PROM2: variants seen among roughly 807,000 people sequenced by gnomAD.
PROM2 encodes prominin-2.
PROM2 carries 90 observed loss-of-function variants against 110.2 expected under a neutral mutation model. The ratio of observed to expected loss-of-function variants is 0.82; its 90% confidence interval spans 0.69 to 0.97. PROM2 has a LOEUF of 0.97. PROM2 is among the 50% of genes least tolerant of loss of function. PROM2 has a pLI of 0.00. For synonymous variants in PROM2, 470 were observed against 467.8 expected (o/e 1.00, Z -0.06); for missense variants, 1,009 against 1,074.8 (o/e 0.94, Z 0.86).
In PROM2 at chr2:95,276,060, CAG is replaced by C; in HGVS notation, c.428_429del (p.Glu143AlafsTer7). On this transcript the variant is annotated frameshift_variant, in exon 3 of 24. Transcript: ENST00000317620. LOFTEE classifies it high-confidence loss of function. This position sits in a 1 kb window ranked among gnomAD's most constrained non-coding sequence, Gnocchi z 4.6. ...CGGCGCTGCGGGGGACGAGTGAAGACAGAGCACAAGGCGCTGGCCTGTGAGCG... is the reference window on the plus strand; with the variant it reads ...CGGCGCTGCGGGGGACGAGTGAAGACAGCACAAGGCGCTGGCCTGTGAGCG... 1 of 1,611,432 alleles carries C rather than the reference CAG, an allele frequency of 6.2e-7. No individual in the cohort carries two copies. The highest frequency in any genetic ancestry group is 8.5e-7 in the Non-Finnish European group (1 of 1,179,914).
Position 95,280,052 on chromosome 2 carries a change from C to G in PROM2, c.1427+55C>G. ...CCCCTCTTATAGGGCTGGCTGATTA[C>G]TCTCGCTCCTGAGCATAGCTCCCGG... is the stretch of plus-strand genomic sequence containing the variant. On this transcript the variant is annotated intron_variant, in intron 11 of 23. Coordinates refer to ENST00000317620, the MANE Select transcript of PROM2 (RefSeq NM_001165978.3). 3 of 1,352,186 alleles carry G rather than the reference C, an allele frequency of 2.2e-6. No individual in the cohort carries two copies. In the South Asian group the frequency reaches 5.9e-5, roughly 27 times the overall value. The allele number at this position is 1,352,186 out of a possible 1,614,324, so 83.8% of individuals were successfully genotyped here. A position where few individuals can be genotyped will look rare whatever the true frequency, so the allele number is the denominator to read the frequency against.
At chr2:95,277,320 A>G (rs1458863038) in intron 6 of PROM2, 44 bp from the exon 7 acceptor site, 1 of 1,552,668 alleles carries the variant, frequency 6.4e-7, no homozygotes, top group East Asian at 2.3e-5. Context: ...GCGTCTGGGG[A>G]TGCATATGGT....
At chr2:95,288,126 T>C (rs1677479269) in intron 20 of PROM2, 85 bp from the exon 21 acceptor site, 1 of 1,386,978 alleles carries the variant, frequency 7.2e-7, no homozygotes, top group Non-Finnish European at 1.0e-6. Flanking sequence ...TGTGTCCCTG[T>C]CAACCACTCT....
chr2:95,283,103 G>A (rs1364625510), intron 14 of PROM2, among the ~76,000 whole-genome samples: 5 of 152,206 alleles, frequency 3.3e-5, no homozygotes, highest in Non-Finnish European at 5.9e-5. Context: ...TCCTCCTTCC[G>A]CATCTTTAAC....
chr2:95,285,659 G>A lies in PROM2; in HGVS notation c.1896G>A (p.Lys632=), dbSNP rs1227625942. The A allele has an allele frequency of 6.2e-7, 1 of 1,603,666 alleles. No individual in the cohort carries two copies. Among genetic ancestry groups the A allele is most frequent in the East Asian group, 2.3e-5 (1 of 44,444 alleles). The change falls in exon 16 of 24, where the codon AAG becomes AAA. Residue 632 remains lysine, a synonymous_variant. Transcript: ENST00000317620. ...FLVQIQRPVV[K]TSMEQLAQEL... is the part of the protein sequence containing the mutation. ...TGCAGATCCAGAGGCCCGTGGTGAA[G>A]ACCAGCATGGAGCAGCTGGCCCAGG... is the stretch of plus-strand genomic sequence containing the variant.
At chr2:95,286,684 C>T (rs1337341751) in intron 17 of PROM2, 113 bp downstream of exon 17, 29 of 641,230 alleles carry the variant, frequency 4.5e-5, no homozygotes, top group Admixed American at 3.5e-4. Flanking sequence ...CTCTCCCCTC[C>T]TCTCCCCTCC....
At chr2:95,277,318 G>C in intron 6 of PROM2, 46 bp from the exon 7 acceptor site, 1 of 1,552,998 alleles carries the variant, frequency 6.4e-7, no homozygotes, top group Non-Finnish European at 8.7e-7. Flanking sequence ...AGGCGTCTGG[G>C]GATGCATATG....
At position 95,276,612 on chromosome 2, in the gene PROM2, C is replaced by T; in HGVS notation, c.637C>T (p.Gln213Ter). ...DVPQELQAVA[Q>*]QFSLPQEQVS... ...TGCCTAGGAGCTGCAGGCCGTGGCA[C>T]AGCAATTCTCCCTGCCCCAGGAGCA... is the stretch of plus-strand genomic sequence containing the variant. Residue 213 changes from glutamine to a stop codon, truncating the protein, a stop_gained, in exon 5 of 24, where the codon CAG becomes TAG. Transcript: ENST00000317620. LOFTEE classifies it high-confidence loss of function. The surrounding 1 kb of genome is among the most constrained non-coding windows in gnomAD (Gnocchi z 4.6). 1 of 1,613,682 alleles carries T rather than the reference C, an allele frequency of 6.2e-7. No individual in the cohort carries two copies. The highest frequency in any genetic ancestry group is 1.3e-5 in the African/African-American group (1 of 75,020).
At chr2:95,281,589 G>A (rs1438505337) in intron 12 of PROM2, among the ~76,000 whole-genome samples, 6 of 152,074 alleles carry the variant, frequency 3.9e-5, no homozygotes, top group East Asian at 1.9e-4. Flanking sequence ...CCCAGGGCAG[G>A]GACCCTGAGA....
At chr2:95,281,740 G>A (rs1009679444) in intron 12 of PROM2, among the ~76,000 whole-genome samples, 185 bp from the exon 13 acceptor site, 1 of 152,122 alleles carries the variant, frequency 6.6e-6, no homozygotes, top group East Asian at 1.9e-4. Context: ...CATGGGAAGA[G>A]CCCCTGTAAG....
At chr2:95,281,833 G>A (rs1211461028) in intron 12 of PROM2, 92 bp from the exon 13 acceptor site, 1 of 883,296 alleles carries the variant, frequency 1.1e-6, no homozygotes, top group Non-Finnish European at 1.9e-6. Context: ...GGTCTGTGCT[G>A]TGCCACAGCA....
chr2:95,276,288 A>T lies in PROM2; in HGVS notation c.559A>T (p.Ile187Phe), dbSNP rs557440483. The change falls in exon 4 of 24, where the codon ATC (isoleucine) becomes TTC (phenylalanine). Residue 187 changes from isoleucine (I) to phenylalanine (F), a missense_variant. By Grantham distance (21) the Ile-to-Phe change is conservative. Transcript: ENST00000317620. The surrounding 1 kb of genome is among the most constrained non-coding windows in gnomAD (Gnocchi z 4.6). ...QRTHEQMGPS[I>F]EAMPETLLSL... is the part of the protein sequence containing the mutation. Reference sequence around the variant, plus strand: ...CACGCATGAACAGATGGGCCCCAGCATCGAGGCCATGCCTGAGACCCTGCT... The same window carrying T: ...CACGCATGAACAGATGGGCCCCAGCTTCGAGGCCATGCCTGAGACCCTGCT... The T allele has an allele frequency of 6.8e-6, 11 of 1,613,892 alleles. No homozygotes were observed. The Admixed American group carries it at 1.2e-4, about 17-fold the overall frequency.
In PROM2 at chr2:95,275,437, C is replaced by A; in HGVS notation, c.245-24C>A. ...GGCAGGGCAGTGGCTGTCCCCAAAT[C>A]CTCAGCTTGGCTCTTTCCCATAGAG... is the stretch of plus-strand genomic sequence containing the variant. On this transcript the variant is annotated intron_variant, in intron 1 of 23. Coordinates refer to ENST00000317620, the MANE Select transcript of PROM2 (RefSeq NM_001165978.3). The surrounding 1 kb of genome is among the most constrained non-coding windows in gnomAD (Gnocchi z 4.4). 6.2e-7 allele frequency: 1 copy of A among 1,603,586 alleles called. No individual in the cohort carries two copies. Among genetic ancestry groups the A allele is most frequent in the South Asian group, 1.1e-5 (1 of 89,254 alleles).
intron 14 of PROM2, among the ~76,000 whole-genome samples, chr2:95,283,274 C>G (rs1456924659): frequency 6.6e-6 from 1 of 152,216 alleles, no homozygotes; most frequent in Non-Finnish European, 1.5e-5. Context: ...GAGTCCTGGG[C>G]TCTGGTCCTT....
At chr2:95,286,992 C>T in intron 18 of PROM2, 135 bp downstream of exon 18, 1 of 1,265,872 alleles carries the variant, frequency 7.9e-7, no homozygotes, top group Non-Finnish European at 1.1e-6. Context: ...ATGGGGGTGG[C>T]AGCAGAGCCT....
chr2:95,284,333 T>C (rs1262941144), intron 14 of PROM2, among the ~76,000 whole-genome samples: 1 of 151,942 alleles, frequency 6.6e-6, no homozygotes, highest in Non-Finnish European at 1.5e-5. Flanking sequence ...TCCTCTACAA[T>C]TTTTTTTAAA....
chr2:95,282,843 C>T (rs941472055), intron 14 of PROM2, among the ~76,000 whole-genome samples: 1 of 152,182 alleles, frequency 6.6e-6, no homozygotes, highest in African/African-American at 2.4e-5. Flanking sequence ...TGCACAGCAG[C>T]TGGAAGACAT....
intron 10 of PROM2, 99 bp from the exon 11 acceptor site, chr2:95,279,746 T>TGG (rs1676930289): frequency 2.0e-6 from 2 of 988,990 alleles, no homozygotes; most frequent in African/African-American, 3.3e-5. Context: ...GCCCCAGCCT[T>TGG]GGGGTTAGAG....
In PROM2 at chr2:95,281,316, A is replaced by G; in HGVS notation, c.1502A>G (p.Asn501Ser). 6.2e-7 allele frequency: 1 copy of G among 1,613,220 alleles called. No individual in the cohort carries two copies. The highest frequency in any genetic ancestry group is 1.3e-5 in the African/African-American group (1 of 75,014). ...LVFATFLVGG[N>S]VQTLVCQSWE... ...TTCGCCACCTTCCTGGTGGGTGGCAACGTGCAGACGCTGGTGTGCCAGAGC... is the reference window on the plus strand; with the variant it reads ...TTCGCCACCTTCCTGGTGGGTGGCAGCGTGCAGACGCTGGTGTGCCAGAGC... Residue 501 changes from asparagine to serine, a missense_variant, in exon 12 of 24, where the codon AAC (asparagine) becomes AGC (serine). Coordinates refer to ENST00000317620, the MANE Select transcript of PROM2 (RefSeq NM_001165978.3).
Sources: allele counts gnomAD v4.1 joint callset (sites outside exome capture counted in the v4.1 genomes callset), GRCh38; gene constraint gnomAD v4.1.1; non-coding constraint Gnocchi (gnomAD v3.1); transcripts MANE v1.5; gene names NCBI Gene and HGNC (gene_info 2026-07-23, HGNC 2026-07-21).